TBCK: variants seen among roughly 807,000 people sequenced by gnomAD.
TBCK encodes the protein TBC1 domain containing kinase.
Under a neutral mutation model 113.4 loss-of-function variants are expected in TBCK, and 99 were observed. The ratio of observed to expected loss-of-function variants is 0.87; its 90% CI spans 0.74 to 1.03. The LOEUF is 1.03. TBCK is among the 50% of genes least tolerant of loss of function. The pLI is 0.00. For missense variants in TBCK, 1,045 were observed against 1,061.3 expected (o/e 0.98, Z 0.21); for synonymous variants, 369 against 370.8 (o/e 1.00, Z 0.05).
intron 24 of TBCK, among the ~76,000 whole-genome samples, chr4:106,109,707 T>C (rs1274568344): frequency 1.3e-5 from 2 of 152,124 alleles, no homozygotes; most frequent in African/African-American, 4.8e-5. Context: ...ATCCTAAACC[T>C]AGGAATGGGT....
At chr4:106,171,807 A>T (rs538646101) in intron 22 of TBCK, among the ~76,000 whole-genome samples, 1 of 152,172 alleles carries the variant, frequency 6.6e-6, no homozygotes, top group East Asian at 1.9e-4. Flanking sequence ...AATTTTTCAG[A>T]ATCTCAATTC....
intron 25 of TBCK, among the ~76,000 whole-genome samples, chr4:106,052,649 G>C (rs1264264275): frequency 4.0e-5 from 6 of 151,598 alleles, no homozygotes; most frequent in Non-Finnish European, 3.0e-5. Context: ...TAAATATCTA[G>C]AGTGTGCTAA....
Position 106,101,300 on chromosome 4 carries a change from T to G in TBCK, c.2412-5659A>C, listed in dbSNP as rs1037982068. Among the ~76,000 whole-genome samples, 5 of 152,114 alleles carry G rather than the reference T, an allele frequency of 3.3e-5. No individual in the cohort carries two copies. In the East Asian group the frequency reaches 9.6e-4, roughly 29 times the overall value. ...AACTAGCAATCCAGACATGAAGACATTGCTCAGCAGTTGCTATCATATACT... is the reference window on the plus strand; with the variant it reads ...AACTAGCAATCCAGACATGAAGACAGTGCTCAGCAGTTGCTATCATATACT... On this transcript the variant is annotated intron_variant, in intron 24 of 25. Coordinates refer to ENST00000394708, the MANE Select transcript of TBCK (RefSeq NM_001163435.3).
At chr4:106,166,942 G>T (rs1003166312) in intron 23 of TBCK, among the ~76,000 whole-genome samples, 2 of 150,806 alleles carry the variant, frequency 1.3e-5, no homozygotes, top group Non-Finnish European at 3.0e-5. Context: ...AAACTTAAAT[G>T]ATGAAATTAG....
intron 20 of TBCK, among the ~76,000 whole-genome samples, chr4:106,202,611 A>C (rs781229500): frequency 8.0e-4 from 121 of 152,110 alleles, no homozygotes; most frequent in Non-Finnish European, 1.6e-3. Flanking sequence ...TTTTACAATT[A>C]CTGGACTAAT....
intron 23 of TBCK, among the ~76,000 whole-genome samples, chr4:106,141,005 G>A (rs1004723826): frequency 7.1e-6 from 1 of 140,182 alleles, no homozygotes; most frequent in African/African-American, 2.5e-5. Flanking sequence ...GTGTTGATAA[G>A]ATATATGATA....
At chr4:106,181,728 A>G (rs1270322674) in intron 22 of TBCK, among the ~76,000 whole-genome samples, 1 of 152,088 alleles carries the variant, frequency 6.6e-6, no homozygotes, top group Non-Finnish European at 1.5e-5. Context: ...ATTGGTCTAT[A>G]TATCTGTTTT....
chr4:106,103,283 G>A (rs1347977339), intron 24 of TBCK, among the ~76,000 whole-genome samples: 1 of 152,108 alleles, frequency 6.6e-6, no homozygotes, highest in Non-Finnish European at 1.5e-5. Flanking sequence ...GTTGGTATCT[G>A]GGATTAGTCC....
At chr4:106,258,899 G>C (rs780064779) in intron 5 of TBCK, among the ~76,000 whole-genome samples, 4 of 151,762 alleles carry the variant, frequency 2.6e-5, no homozygotes, top group East Asian at 3.9e-4. Context: ...AGAAATTGTA[G>C]ACTGTCTTTG....
chr4:106,089,980 C>T (rs1237968577), intron 25 of TBCK, among the ~76,000 whole-genome samples: 1 of 152,226 alleles, frequency 6.6e-6, no homozygotes, highest in Non-Finnish European at 1.5e-5. Flanking sequence ...TGGCATCCCA[C>T]TTCCCAAAGC....
chr4:106,126,258 A>G (rs1050553018), intron 23 of TBCK, among the ~76,000 whole-genome samples: 2 of 152,176 alleles, frequency 1.3e-5, no homozygotes, highest in African/African-American at 4.8e-5. Flanking sequence ...TCTGGTATAC[A>G]TCTTTATTAT....
chr4:106,071,650 C>T (rs1467457471), intron 25 of TBCK, among the ~76,000 whole-genome samples: 1 of 152,114 alleles, frequency 6.6e-6, no homozygotes, highest in African/African-American at 2.4e-5. Context: ...TCCTGGATAT[C>T]CTTGTTAACC....
chr4:106,109,467 G>A (rs12508552), intron 24 of TBCK, among the ~76,000 whole-genome samples: 30,965 of 151,962 alleles, frequency 0.2, 3,477 homozygotes, highest in South Asian at 0.27. Flanking sequence ...TAGAAATAAG[G>A]CCACACATCT....
intron 16 of TBCK, among the ~76,000 whole-genome samples, chr4:106,233,386 T>C (rs530172279): frequency 6.6e-6 from 1 of 152,184 alleles, no homozygotes; most frequent in Admixed American, 6.5e-5. Context: ...ACAGTATTTT[T>C]AAAAAGGTAA....
intron 25 of TBCK, among the ~76,000 whole-genome samples, chr4:106,077,737 G>GTGTT (rs943160360): frequency 5.9e-5 from 9 of 152,130 alleles, no homozygotes; most frequent in African/African-American, 1.9e-4. Flanking sequence ...CACCTTGACA[G>GTGTT]TGTTACATCA....
chr4:106,290,203 A>G (rs1490382477), intron 3 of TBCK, among the ~76,000 whole-genome samples: 1 of 152,092 alleles, frequency 6.6e-6, no homozygotes, highest in Admixed American at 6.5e-5. Flanking sequence ...TTAGAGATGG[A>G]GTTTCACTCT....
intron 23 of TBCK, among the ~76,000 whole-genome samples, chr4:106,154,739 T>C (rs1748927394): frequency 6.6e-6 from 1 of 152,196 alleles, no homozygotes; most frequent in Non-Finnish European, 1.5e-5. Context: ...CCTTGCTTCC[T>C]GTACAGTGGA....
At chr4:106,176,921 T>C (rs1751736743) in intron 22 of TBCK, among the ~76,000 whole-genome samples, 1 of 151,818 alleles carries the variant, frequency 6.6e-6, no homozygotes. Flanking sequence ...ATTAGTGATA[T>C]TGAGTACTTT....
chr4:106,200,345 GC>G (rs1754739348), intron 20 of TBCK, among the ~76,000 whole-genome samples: 1 of 152,128 alleles, frequency 6.6e-6, no homozygotes, highest in South Asian at 2.1e-4. Context: ...TCCAAGACCA[GC>G]CTGGGTAACA....
Sources: allele counts gnomAD v4.1 joint callset (sites outside exome capture counted in the v4.1 genomes callset), GRCh38; gene constraint gnomAD v4.1.1; transcripts MANE v1.5; gene names NCBI Gene and HGNC (gene_info 2026-07-23, HGNC 2026-07-21).